Variants in XKR6 observed in about 807,000 individuals in gnomAD.
XKR6 encodes the protein XK related 6, also known as XK-related protein 6.
In XKR6, 22 loss-of-function variants were observed where a neutral mutation model predicts 56.7. The observed-to-expected ratio is 0.39, with a 90% CI of 0.28 to 0.55. XKR6 has a LOEUF of 0.55. Among genes scored for constraint, XKR6 ranks in the 20% least tolerant of loss-of-function variants. XKR6 has a pLI of 0.66. For synonymous variants in XKR6, 524 were observed against 387.8 expected, an observed-to-expected ratio of 1.35 and a Z score of -4.13; for missense variants, 852 against 889.0, an observed-to-expected ratio of 0.96 and a Z score of 0.53.
intron 1 of XKR6, among the ~76,000 whole-genome samples, chr8:10,938,134 G>T (rs987266968): frequency 6.6e-6 from 1 of 152,316 alleles, no homozygotes; most frequent in African/African-American, 2.4e-5. Flanking sequence ...TCTGAAAAGC[G>T]CAATATTCGG....
chr8:11,122,797 A>G (rs983337416), intron 1 of XKR6, among the ~76,000 whole-genome samples: 1 of 152,166 alleles, frequency 6.6e-6, no homozygotes, highest in Non-Finnish European at 1.5e-5. Context: ...ATACTATTTA[A>G]TCTGACTTGG....
At chr8:11,135,085 T>G (rs1800315076) in intron 1 of XKR6, among the ~76,000 whole-genome samples, 1 of 151,346 alleles carries the variant, frequency 6.6e-6, no homozygotes, top group Non-Finnish European at 1.5e-5. Context: ...CAGGCTGAAG[T>G]GCAGTGGCAC....
chr8:10,898,546 T>A lies in XKR6; in HGVS notation c.1332A>T (p.Ala444=). 3.1e-6 allele frequency: 5 copies of A among 1,614,142 alleles called. No homozygotes were observed. Among genetic ancestry groups the A allele is most frequent in the Non-Finnish European group, 3.4e-6 (4 of 1,180,020 alleles). The change falls in exon 3 of 3, where the codon GCA becomes GCT. Residue 444 remains alanine (A), a synonymous_variant. Transcript: ENST00000416569. This position sits in a 1 kb window ranked among gnomAD's most constrained non-coding sequence, Gnocchi z 6.6. ...KEGRTRYRMF[A]YYTIVLTENA... ...TCTCGGTCAAGACTATCGTATAATA[T>A]GCAAACATTCGATATCGAGTCCGCC... is the stretch of plus-strand genomic sequence containing the variant.
At chr8:10,922,844 G>C (rs1563290489) in intron 2 of XKR6, among the ~76,000 whole-genome samples, 1 of 152,174 alleles carries the variant, frequency 6.6e-6, no homozygotes, top group Non-Finnish European at 1.5e-5. Context: ...CAGATGAGTG[G>C]TCAGCCCTGC....
At chr8:10,937,975 C>A (rs1157488591) in intron 1 of XKR6, among the ~76,000 whole-genome samples, 2 of 151,448 alleles carry the variant, frequency 1.3e-5, no homozygotes, top group East Asian at 1.9e-4. Context: ...CAAGCCTGAG[C>A]AATGGCGGGC....
chr8:11,007,364 C>T (rs888537019), intron 1 of XKR6, among the ~76,000 whole-genome samples: 1 of 152,186 alleles, frequency 6.6e-6, no homozygotes, highest in African/African-American at 2.4e-5. Flanking sequence ...ATATCCCTGC[C>T]TCAAGACTAG....
At chr8:11,111,475 T>A (rs1798889328) in intron 1 of XKR6, among the ~76,000 whole-genome samples, 1 of 152,192 alleles carries the variant, frequency 6.6e-6, no homozygotes, top group Non-Finnish European at 1.5e-5. Flanking sequence ...TGAAATTTTG[T>A]CTTTACTGCC....
At chr8:10,924,009 T>A (rs1296829660) in intron 2 of XKR6, among the ~76,000 whole-genome samples, 2 of 152,142 alleles carry the variant, frequency 1.3e-5, no homozygotes, top group East Asian at 3.9e-4. Context: ...TGGATAAGCA[T>A]CTCCCTGCAA....
At chr8:11,143,241 A>C (rs1445581698) in intron 1 of XKR6, among the ~76,000 whole-genome samples, 1 of 152,244 alleles carries the variant, frequency 6.6e-6, no homozygotes, top group Admixed American at 6.5e-5. Context: ...GATAAAAAAC[A>C]AACACTACTC....
chr8:11,185,292 C>T (rs373359252), intron 1 of XKR6, among the ~76,000 whole-genome samples: 16 of 152,176 alleles, frequency 1.1e-4, no homozygotes, highest in Non-Finnish European at 1.6e-4. Context: ...TTTATTTCAA[C>T]GTTTAATGCT....
At chr8:10,929,171 G>A (rs1404466443) in intron 1 of XKR6, among the ~76,000 whole-genome samples, 2 of 152,188 alleles carry the variant, frequency 1.3e-5, no homozygotes, top group Admixed American at 1.3e-4. Context: ...GAGCACAAAG[G>A]ATGGCCTAGC....
At chr8:11,106,863 A>AAAAAAAAAAAAAAAAAATAAAAAAG (rs60435831) in intron 1 of XKR6, among the ~76,000 whole-genome samples, 1 of 109,902 alleles carries the variant, frequency 9.1e-6, no homozygotes, top group Non-Finnish European at 1.8e-5. Flanking sequence ...AAAAAAAAAA[A>AAAAAAAAAAAAAAAAAATAAAAAAG]AATAAAAAAG....
chr8:11,103,233 C>T (rs1036361750), intron 1 of XKR6, among the ~76,000 whole-genome samples: 1 of 152,076 alleles, frequency 6.6e-6, no homozygotes, highest in Admixed American at 6.6e-5. Flanking sequence ...ACAGTGACTT[C>T]CTAGAGAGAT....
intron 1 of XKR6, among the ~76,000 whole-genome samples, chr8:10,984,287 T>C (rs115131824): frequency 5.9e-5 from 9 of 152,322 alleles, no homozygotes; most frequent in African/African-American, 1.7e-4. Context: ...AAACTCTTTA[T>C]TGTAAAACAT....
intron 1 of XKR6, among the ~76,000 whole-genome samples, chr8:11,031,896 C>G (rs981213923): frequency 2.6e-5 from 4 of 152,244 alleles, no homozygotes; most frequent in Non-Finnish European, 5.9e-5. Context: ...GCCCAGTCCC[C>G]AGCCTATCCT....
chr8:11,104,154 A>T (rs1798587756), intron 1 of XKR6, among the ~76,000 whole-genome samples: 1 of 152,206 alleles, frequency 6.6e-6, no homozygotes, highest in South Asian at 2.1e-4. Flanking sequence ...TAAGGGAAAC[A>T]CTTAATGTAG....
At chr8:11,144,403 G>A (rs988389337) in intron 1 of XKR6, among the ~76,000 whole-genome samples, 2 of 151,360 alleles carry the variant, frequency 1.3e-5, no homozygotes, top group Admixed American at 6.6e-5. Flanking sequence ...AAAGTGGAAA[G>A]GAGACAGAGG....
chr8:10,949,182 A>T (rs1278636280), intron 1 of XKR6, among the ~76,000 whole-genome samples: 1 of 152,178 alleles, frequency 6.6e-6, no homozygotes, highest in African/African-American at 2.4e-5. Context: ...GCCTGGAGCA[A>T]ATCACCCCCC....
intron 1 of XKR6, among the ~76,000 whole-genome samples, chr8:11,091,487 GAAAAA>G (rs1395800043): frequency 1.4e-5 from 2 of 147,398 alleles, no homozygotes; most frequent in Non-Finnish European, 3.0e-5. Context: ...AAAGAAAAAA[GAAAAA>G]GAAAAGAAAA....
Sources: gnomAD v4.1 joint callset for allele counts (sites outside exome capture counted in the v4.1 genomes callset) on GRCh38, gnomAD v4.1.1 for gene constraint, Gnocchi (gnomAD v3.1) non-coding constraint, MANE v1.5 for transcripts, NCBI Gene and HGNC (gene_info 2026-07-23, HGNC 2026-07-21) for gene names.